The following RNLS variants were observed in gnomAD, a reference collection of about 807,000 sequenced individuals.
RNLS encodes the protein renalase, FAD dependent amine oxidase.
A neutral mutation model predicts 39.8 loss-of-function variants in RNLS; 39 were observed. That is an observed-to-expected ratio of 0.98 (90% confidence interval 0.76 to 1.28). The LOEUF is 1.28. Ranked by LOEUF, RNLS falls within the 50% of genes most tolerant of loss-of-function variation. The pLI, the probability that RNLS is intolerant of heterozygous loss-of-function variation, is 0.00. For synonymous variants in RNLS, 147 were observed against 150.7 expected (o/e 0.98, Z 0.18); for missense variants, 410 against 413.3 (o/e 0.99, Z 0.07).
chr10:88,417,002 C>T (rs566834349), intron 4 of RNLS, among the ~76,000 whole-genome samples: 6 of 152,278 alleles, frequency 3.9e-5, no homozygotes, highest in South Asian at 2.1e-4. Flanking sequence ...TGAGAATTTC[C>T]GCAAGGAAAG....
At chr10:88,500,454 CTT>C (rs757548169) in intron 4 of RNLS, among the ~76,000 whole-genome samples, 1 of 152,122 alleles carries the variant, frequency 6.6e-6, no homozygotes, top group Non-Finnish European at 1.5e-5. Context: ...GTTCTGGACT[CTT>C]GTTTAGGAAC....
chr10:88,192,791 A>T, the RNLS span, among the ~76,000 whole-genome samples: 1 of 152,218 alleles, frequency 6.6e-6, no homozygotes, highest in African/African-American at 2.4e-5. Flanking sequence ...TCTTCTACTT[A>T]TACTTTTAGT....
At chr10:88,389,697 G>C (rs181649978) in intron 4 of RNLS, among the ~76,000 whole-genome samples, 35 of 152,228 alleles carry the variant, frequency 2.3e-4, no homozygotes, top group African/African-American at 7.7e-4. Flanking sequence ...TATCTAGTGA[G>C]AATGCATACA....
At chr10:88,220,328 G>C in the RNLS span, among the ~76,000 whole-genome samples, 704 of 152,248 alleles carry the variant, frequency 4.6e-3, 4 homozygotes, top group African/African-American at 0.016. Context: ...GGGTGGGCAG[G>C]GTCAAGACTT....
chr10:88,552,625 A>T (rs1392978649), intron 4 of RNLS, among the ~76,000 whole-genome samples: 7 of 152,208 alleles, frequency 4.6e-5, no homozygotes, highest in Non-Finnish European at 1.0e-4. Context: ...AATTGTGTTC[A>T]CAGATTTTTC....
the RNLS span, among the ~76,000 whole-genome samples, chr10:88,260,709 G>T: frequency 6.6e-6 from 1 of 152,156 alleles, no homozygotes; most frequent in Non-Finnish European, 1.5e-5. Flanking sequence ...CCTAATTTCA[G>T]TGCTTTACCA....
At chr10:88,259,300 C>G in the RNLS span, 1 of 152,194 alleles carries the variant, frequency 6.6e-6, no homozygotes, top group South Asian at 2.1e-4. Flanking sequence ...TTGGCAGAAA[C>G]TATCACATCA....
At chr10:88,506,528 A>G (rs921354815) in intron 4 of RNLS, among the ~76,000 whole-genome samples, 1 of 151,872 alleles carries the variant, frequency 6.6e-6, no homozygotes, top group African/African-American at 2.4e-5. Context: ...CAGGAAAAAT[A>G]AAACAAATGA....
chr10:88,393,251 T>G (rs2133590557), intron 4 of RNLS, among the ~76,000 whole-genome samples: 1 of 152,142 alleles, frequency 6.6e-6, no homozygotes, highest in South Asian at 2.1e-4. Flanking sequence ...GAAGTCAAAT[T>G]GTCCCTGTTT....
intron 6 of RNLS, among the ~76,000 whole-genome samples, chr10:88,312,199 GAC>G (rs1321878032): frequency 6.6e-6 from 1 of 152,218 alleles, no homozygotes; most frequent in Admixed American, 6.5e-5. Flanking sequence ...AAGTATCTTG[GAC>G]CACACAGGTG....
intron 4 of RNLS, among the ~76,000 whole-genome samples, chr10:88,474,415 C>T (rs1190470996): frequency 2.6e-5 from 4 of 152,136 alleles, no homozygotes; most frequent in African/African-American, 4.8e-5. Flanking sequence ...CACCTATGTC[C>T]CTCCTTCTTC....
chr10:88,189,509 A>T, the RNLS span, among the ~76,000 whole-genome samples: 1 of 152,206 alleles, frequency 6.6e-6, no homozygotes, highest in East Asian at 1.9e-4. Context: ...AACAAAAAAA[A>T]ATAATGAATC....
At chr10:88,390,763 G>A (rs1852149523) in intron 4 of RNLS, among the ~76,000 whole-genome samples, 1 of 152,124 alleles carries the variant, frequency 6.6e-6, no homozygotes, top group Non-Finnish European at 1.5e-5. Context: ...ATTATTATGG[G>A]ACTGTTAACT....
intron 6 of RNLS, among the ~76,000 whole-genome samples, chr10:88,292,190 G>C (rs570760254): frequency 6.6e-6 from 1 of 151,048 alleles, no homozygotes; most frequent in Non-Finnish European, 1.5e-5. Context: ...GGGTCTTGGA[G>C]GACAGTTGCT....
At chr10:88,468,368 CT>C (rs1483877123) in intron 4 of RNLS, among the ~76,000 whole-genome samples, 1 of 152,172 alleles carries the variant, frequency 6.6e-6, no homozygotes, top group African/African-American at 2.4e-5. Context: ...TGTATCTCCC[CT>C]GGACCAGGAG....
chr10:88,479,781 TTTTC>T, intron 4 of RNLS, among the ~76,000 whole-genome samples: 1 of 126,332 alleles, frequency 7.9e-6, no homozygotes, highest in South Asian at 2.7e-4. Context: ...CTGGACTTTC[TTTTC>T]TTTTTTTCTT....
At chr10:88,501,973 C>T (rs1845515978) in intron 4 of RNLS, among the ~76,000 whole-genome samples, 1 of 151,984 alleles carries the variant, frequency 6.6e-6, no homozygotes, top group Non-Finnish European at 1.5e-5. Flanking sequence ...TATCTGTCTC[C>T]TCTGTTAGTT....
intron 3 of RNLS, among the ~76,000 whole-genome samples, chr10:88,579,731 CA>C (rs1850424330): frequency 6.6e-6 from 1 of 152,122 alleles, no homozygotes; most frequent in South Asian, 2.1e-4. Context: ...ACAAAACGTC[CA>C]ATAGTGTCAC....
rs75510118 is a variant in RNLS, at chr10:88,409,809, T to C, written c.527-47084A>G. ...TTTATTTTTCATTTTTTAAGAGAAATTGCCTTTAAGTTTGTCAGCCTAGTA... is the reference window on the plus strand; with the variant it reads ...TTTATTTTTCATTTTTTAAGAGAAACTGCCTTTAAGTTTGTCAGCCTAGTA... On this transcript the variant is annotated intron_variant, in intron 4 of 6. Coordinates refer to ENST00000331772, the MANE Select transcript of RNLS (RefSeq NM_001031709.3). 6.5e-3 allele frequency among the ~76,000 whole-genome samples: 986 copies of C among 152,288 alleles called. 5 individuals carry two copies. The highest frequency in any genetic ancestry group is 0.023 in the African/African-American group (944 of 41,566).
Sources: allele counts gnomAD v4.1 joint callset (sites outside exome capture counted in the v4.1 genomes callset), GRCh38; gene constraint gnomAD v4.1.1; transcripts MANE v1.5; gene names NCBI Gene and HGNC (gene_info 2026-07-23, HGNC 2026-07-21).